SCNN1G: variants seen among roughly 807,000 people sequenced by gnomAD.
The protein encoded by SCNN1G is sodium channel epithelial 1 subunit gamma, also known as epithelial sodium channel subunit gamma.
SCNN1G carries 27 observed loss-of-function variants against 64.6 expected under a neutral mutation model. That is an observed-to-expected ratio of 0.42 (90% CI 0.31 to 0.58). The LOEUF is 0.58. Among genes scored for constraint, SCNN1G ranks in the 20% least tolerant of loss-of-function variants. SCNN1G has a pLI of 0.18. For missense variants in SCNN1G, 743 were observed against 823.4 expected (o/e 0.90, Z 1.19); for synonymous variants, 330 against 314.2 (o/e 1.05, Z -0.53).
chr16:23,186,471 T>C lies in SCNN1G; in HGVS notation c.200T>C (p.Ile67Thr). ...IGFTLTAVAL[I>T]LWQCALLVFS... ...TTCACACTGACTGCCGTGGCCCTCATCCTCTGGCAGTGCGCCCTCCTCGTC... is the reference window on the plus strand; with the variant it reads ...TTCACACTGACTGCCGTGGCCCTCACCCTCTGGCAGTGCGCCCTCCTCGTC... Residue 67 changes from isoleucine to threonine, a missense_variant, in exon 2 of 13, where the codon ATC becomes ACC. Transcript: ENST00000300061. 6.2e-7 allele frequency: 1 copy of C among 1,614,150 alleles called. No homozygotes were observed. Among genetic ancestry groups the C allele is most frequent in the South Asian group, 1.1e-5 (1 of 91,088 alleles).
In SCNN1G at chr16:23,216,675, C is replaced by T. The variant is rs1363632633; in HGVS notation, c.*1206C>T. ...AGAAATAGGATCTCACTATGTTGCC[C>T]AGGCTGTTCTTGAACTCCTGGCCTC... On this transcript the variant is annotated 3_prime_UTR_variant, in exon 13 of 13. Transcript: ENST00000300061. 6.6e-6 allele frequency: 1 copy of T among 151,980 alleles called. No individual in the cohort carries two copies. Among genetic ancestry groups the T allele is most frequent in the African/African-American group, 2.4e-5 (1 of 41,364 alleles). 9.4% of individuals were successfully genotyped at this position (151,980 alleles called of 1,614,324 possible).
intron 12 of SCNN1G, 84 bp downstream of exon 12, chr16:23,214,871 TA>T: frequency 7.9e-7 from 1 of 1,271,248 alleles, no homozygotes; most frequent in Non-Finnish European, 1.1e-6. Flanking sequence ...AGAATCAGGG[TA>T]GGGGGTTCCA....
At chr16:23,208,634 G>A (rs76364026) in intron 6 of SCNN1G, among the ~76,000 whole-genome samples, 29,441 of 90,608 alleles carry the variant, frequency 0.32, 3,075 homozygotes, top group Middle Eastern at 0.39. Flanking sequence ...TTCCCTTCCC[G>A]CCCTTCCTTC....
chr16:23,192,482 G>T lies in SCNN1G; in HGVS notation c.749G>T (p.Ser250Ile). The change falls in exon 4 of 13, where the codon AGC (serine) becomes ATC (isoleucine). Residue 250 changes from serine to isoleucine, a missense_variant. Physicochemically the swap from Ser to Ile is moderately radical, Grantham distance 142. Coordinates refer to ENST00000300061, the MANE Select transcript of SCNN1G (RefSeq NM_001039.4). ...CCTCTGGAGAAGAAAATCAACATGA[G>T]CTATTCTGCTGAGGAGCTGCTGGTG... ...QVPLEKKINM[S>I]YSAEELLVTC... The T allele has an allele frequency of 6.2e-7, 1 of 1,613,404 alleles. No homozygotes were observed. The highest frequency in any genetic ancestry group is 8.5e-7 in the Non-Finnish European group (1 of 1,180,020).
In SCNN1G at chr16:23,215,499, G is replaced by A. The variant is rs368983265; in HGVS notation, c.*30G>A. ...GGGTTGAGAAGACAGATCTAGTCAG[G>A]ACCACCAGCCATGGTCTAAGGACAT... is the stretch of plus-strand genomic sequence containing the variant. On this transcript the variant is annotated 3_prime_UTR_variant, in exon 13 of 13. Transcript: ENST00000300061. The A allele has an allele frequency of 1.0e-4, 160 of 1,601,988 alleles. No homozygotes were observed. The highest frequency in any genetic ancestry group is 1.3e-4 in the Admixed American group (8 of 60,024).
chr16:23,205,237 G>A (rs892395342), intron 6 of SCNN1G, among the ~76,000 whole-genome samples: 13 of 152,100 alleles, frequency 8.5e-5, no homozygotes, highest in African/African-American at 1.9e-4. Context: ...TGGTGCTCCC[G>A]GTTGTTTAGG....
intron 6 of SCNN1G, 145 bp from the exon 7 acceptor site, chr16:23,209,605 C>T (rs893235357): frequency 4.3e-6 from 3 of 694,912 alleles, no homozygotes; most frequent in African/African-American, 3.5e-5. Context: ...AATAGGTTCT[C>T]ACTAACTTTT....
At chr16:23,187,402 C>T (rs1667006093) in intron 2 of SCNN1G, among the ~76,000 whole-genome samples, 1 of 152,170 alleles carries the variant, frequency 6.6e-6, no homozygotes. Flanking sequence ...AACCACCACA[C>T]CCACTCCATC....
At chr16:23,196,819 G>A (rs1959802697) in intron 5 of SCNN1G, among the ~76,000 whole-genome samples, 1 of 152,134 alleles carries the variant, frequency 6.6e-6, no homozygotes, top group Non-Finnish European at 1.5e-5. Flanking sequence ...GCAGGAGTGG[G>A]AGGAGAAGTT....
intron 6 of SCNN1G, among the ~76,000 whole-genome samples, chr16:23,205,822 C>T (rs1391549480): frequency 6.6e-6 from 1 of 152,138 alleles, no homozygotes; most frequent in Non-Finnish European, 1.5e-5. Context: ...CAGCAGCAGT[C>T]CATTCTGAGA....
chr16:23,188,975 G>A (rs905022799), intron 2 of SCNN1G, among the ~76,000 whole-genome samples: 1 of 152,166 alleles, frequency 6.6e-6, no homozygotes, highest in Non-Finnish European at 1.5e-5. Flanking sequence ...AGTGAGCTGG[G>A]TGGAGAAGGA....
intron 5 of SCNN1G, among the ~76,000 whole-genome samples, chr16:23,195,413 T>A (rs1451338986): frequency 6.6e-6 from 1 of 152,224 alleles, no homozygotes; most frequent in Non-Finnish European, 1.5e-5. Context: ...GCCTGGCTTA[T>A]GCCCAAAAGG....
At chr16:23,210,133 G>T (rs1015259820) in intron 7 of SCNN1G, among the ~76,000 whole-genome samples, 2 of 152,188 alleles carry the variant, frequency 1.3e-5, no homozygotes, top group African/African-American at 4.8e-5. Flanking sequence ...GGAAAGAAGC[G>T]GTCTGGGAGA....
Position 23,209,791 on chromosome 16 carries a change from G to A in SCNN1G, c.1119G>A (p.Thr373=), listed in dbSNP as rs779952443. The change falls in exon 7 of 13, where the codon ACG becomes ACA. Residue 373 remains threonine, a synonymous_variant. Coordinates refer to ENST00000300061, the MANE Select transcript of SCNN1G (RefSeq NM_001039.4). ...TGAGTGAGCCCTACAGTCAGTGCAC[G>A]GAGGACGGGAGTGACGTGCCAATCA... ...FKLSEPYSQC[T]EDGSDVPIRN... The A allele has an allele frequency of 3.1e-5, 50 of 1,614,000 alleles. No individual in the cohort carries two copies. The highest frequency in any genetic ancestry group is 2.7e-4 in the Admixed American group (16 of 60,008).
intron 2 of SCNN1G, among the ~76,000 whole-genome samples, chr16:23,187,091 AGTACCT>A (rs1959621449): frequency 6.8e-6 from 1 of 148,108 alleles, no homozygotes; most frequent in Non-Finnish European, 1.5e-5. Context: ...TGTGAGCCAC[AGTACCT>A]GGCCTTTTCT....
At chr16:23,200,055 T>C (rs148943458) in intron 6 of SCNN1G, among the ~76,000 whole-genome samples, 15 of 152,286 alleles carry the variant, frequency 9.8e-5, no homozygotes, top group African/African-American at 3.4e-4. Context: ...TTCATGCCTT[T>C]ATTTAAATCC....
chr16:23,214,039 G>A (rs1960121930), intron 11 of SCNN1G, among the ~76,000 whole-genome samples: 1 of 152,178 alleles, frequency 6.6e-6, no homozygotes, highest in Non-Finnish European at 1.5e-5. Context: ...GCTGAGTCAT[G>A]GTCCAGTTCA....
At chr16:23,208,531 C>T (rs935900250) in intron 6 of SCNN1G, among the ~76,000 whole-genome samples, 1 of 152,072 alleles carries the variant, frequency 6.6e-6, no homozygotes, top group East Asian at 1.9e-4. Flanking sequence ...ATGGGTCCTT[C>T]ACCTGAGCGA....
At chr16:23,209,930 C>A in intron 7 of SCNN1G, 82 bp downstream of exon 7, 1 of 965,524 alleles carries the variant, frequency 1.0e-6, no homozygotes, top group Non-Finnish European at 1.7e-6. Flanking sequence ...TGGGGTGTGG[C>A]TTGCACCAGG....
Sources: allele counts gnomAD v4.1 joint callset (sites outside exome capture counted in the v4.1 genomes callset), GRCh38; gene constraint gnomAD v4.1.1; transcripts MANE v1.5; gene names NCBI Gene and HGNC (gene_info 2026-07-23, HGNC 2026-07-21).